NSUN4: variants seen among roughly 807,000 people sequenced by gnomAD.
The protein encoded by NSUN4 is NOP2/Sun RNA methyltransferase 4, also known as 5-cytosine rRNA methyltransferase NSUN4.
In NSUN4, 31 loss-of-function variants were observed where a neutral mutation model predicts 43.8. The ratio of observed to expected loss-of-function variants is 0.71; its 90% CI spans 0.53 to 0.96. The LOEUF is 0.96. Among genes scored for constraint, NSUN4 ranks in the 40% least tolerant of loss-of-function variants. The pLI is 0.00. For synonymous variants in NSUN4, 167 were observed against 184.1 expected (o/e 0.91, Z 0.75); for missense variants, 439 against 475.6 (o/e 0.92, Z 0.72).
At chr1:46,384,524 C>G in the NSUN4 span, among the ~76,000 whole-genome samples, 2 of 152,170 alleles carry the variant, frequency 1.3e-5, no homozygotes, top group Admixed American at 6.5e-5. Flanking sequence ...TTCCATTTAC[C>G]AAACCACTTT....
At chr1:46,372,296 A>G in the NSUN4 span, among the ~76,000 whole-genome samples, 44,622 of 151,378 alleles carry the variant, frequency 0.29, 7,255 homozygotes, top group East Asian at 0.49. Context: ...GCCCACCACC[A>G]CGCCCGGCTG....
intron 3 of NSUN4, among the ~76,000 whole-genome samples, chr1:46,347,495 G>C (rs141190214): frequency 6.6e-6 from 1 of 152,156 alleles, no homozygotes; most frequent in South Asian, 2.1e-4. Flanking sequence ...AGAGTGGAGG[G>C]TAGTACTTAC....
At chr1:46,360,598 G>A in intron 4 of NSUN4, 106 bp from the exon 5 acceptor site, 1 of 1,166,852 alleles carries the variant, frequency 8.6e-7, no homozygotes, top group Non-Finnish European at 1.2e-6. Flanking sequence ...GGGATGGGCA[G>A]AGGGAATATT....
rs1663968363 is a variant in NSUN4, at chr1:46,362,894, G to GT, written c.*1053dup. 6.6e-6 allele frequency: 1 copy of GT among 151,906 alleles called. No individual in the cohort carries two copies. Among genetic ancestry groups the GT allele is most frequent in the African/African-American group, 2.4e-5 (1 of 41,366 alleles). The allele number at this position is 151,906 out of a possible 1,614,324, so 9.4% of individuals were successfully genotyped here. A position where few individuals can be genotyped will look rare whatever the true frequency, so the allele number is the denominator to read the frequency against. On this transcript the variant is annotated 3_prime_UTR_variant, in exon 6 of 6. Transcript: ENST00000474844. Reference sequence around the variant, plus strand: ...TTACTGACTGCATACTCGATATGTTGTTTTTGTAACTTTAGCCAAAAGAAA... The same window carrying GT: ...TTACTGACTGCATACTCGATATGTTGTTTTTTGTAACTTTAGCCAAAAGAAA...
intron 4 of NSUN4, among the ~76,000 whole-genome samples, chr1:46,359,958 G>A (rs1161202625): frequency 6.6e-6 from 1 of 151,650 alleles, no homozygotes; most frequent in Non-Finnish European, 1.5e-5. Flanking sequence ...GGCCGGGCAT[G>A]GTGGCTCATG....
chr1:46,347,956 C>T (rs981095855), intron 3 of NSUN4, among the ~76,000 whole-genome samples: 1 of 151,712 alleles, frequency 6.6e-6, no homozygotes, highest in Non-Finnish European at 1.5e-5. Context: ...CGGCTCACTG[C>T]AAGCTCCGCC....
the NSUN4 span, among the ~76,000 whole-genome samples, chr1:46,374,265 A>G: frequency 2.8e-4 from 40 of 145,390 alleles, no homozygotes; most frequent in African/African-American, 9.8e-4. Context: ...CAACCTGGGC[A>G]ACAAGAGTAA....
rs181957200 is a variant in NSUN4 at position 46,352,659 on chromosome 1, T to A, written c.593-209T>A. 1.3e-3 allele frequency among the ~76,000 whole-genome samples: 195 copies of A among 152,298 alleles called. 2 individuals are homozygous for A. The highest frequency in any genetic ancestry group is 4.1e-3 in the African/African-American group (170 of 41,564). On this transcript the variant is annotated intron_variant, in intron 3 of 5. Coordinates refer to ENST00000474844, the MANE Select transcript of NSUN4 (RefSeq NM_199044.4). ...GGTCTGCTTTATTCATTGACTTAAA[T>A]AACTTTGATACTTTCTGGCCCATTT...
chr1:46,357,958 A>C (rs1387499463), intron 4 of NSUN4, among the ~76,000 whole-genome samples: 1 of 152,186 alleles, frequency 6.6e-6, no homozygotes, highest in Non-Finnish European at 1.5e-5. Context: ...TCTGTTGTCC[A>C]AGTTGGAGTA....
chr1:46,360,228 C>CAAAAAA (rs1240539714), intron 4 of NSUN4, among the ~76,000 whole-genome samples: 248 of 34,948 alleles, frequency 7.1e-3, no homozygotes, highest in Middle Eastern at 0.022. Context: ...GACTCCATCT[C>CAAAAAA]AAAAAAAAAA....
At chr1:46,341,749 C>A in intron 1 of NSUN4, 1 of 1,231,808 alleles carries the variant, frequency 8.1e-7, no homozygotes, top group East Asian at 3.2e-5. Flanking sequence ...TCGGGTTCCC[C>A]ACTCTCCAGC....
intron 5 of NSUN4, among the ~76,000 whole-genome samples, chr1:46,361,050 G>A (rs1481742629): frequency 6.6e-6 from 1 of 152,164 alleles, no homozygotes; most frequent in East Asian, 1.9e-4. Context: ...AGGGGGCTGA[G>A]GGAGGAGAAT....
chr1:46,385,179 T>C, the NSUN4 span, among the ~76,000 whole-genome samples: 2 of 152,236 alleles, frequency 1.3e-5, no homozygotes, highest in African/African-American at 4.8e-5. Flanking sequence ...AATTGAATTT[T>C]AATAAAATCT....
chr1:46,344,750 G>T (rs772084729), intron 1 of NSUN4, 51 bp from the exon 2 acceptor site: 1 of 1,516,870 alleles, frequency 6.6e-7, no homozygotes, highest in African/African-American at 1.4e-5. Flanking sequence ...CAGGTAGTAG[G>T]GGGTAGAGTC....
the NSUN4 span, among the ~76,000 whole-genome samples, chr1:46,375,415 A>G: frequency 2.0e-5 from 3 of 149,844 alleles, no homozygotes; most frequent in Non-Finnish European, 3.0e-5. Context: ...AGCCTGGGCA[A>G]TAAGAGCAAA....
intron 3 of NSUN4, among the ~76,000 whole-genome samples, chr1:46,349,646 A>G (rs1475587807): frequency 6.6e-6 from 1 of 152,190 alleles, no homozygotes; most frequent in Non-Finnish European, 1.5e-5. Context: ...CAGCTTGCAC[A>G]GTTTGAGTCA....
At chr1:46,367,704 T>C (rs572690830), downstream of NSUN4, among the ~76,000 whole-genome samples, 1 of 151,808 alleles carries the variant, frequency 6.6e-6, no homozygotes, top group Non-Finnish European at 1.5e-5. Flanking sequence ...TCCCATTTTA[T>C]AGAGAAGGAA....
chr1:46,354,319 G>C (rs144688884), intron 4 of NSUN4, among the ~76,000 whole-genome samples: 1 of 151,520 alleles, frequency 6.6e-6, no homozygotes, highest in Non-Finnish European at 1.5e-5. Context: ...GGCTGGCCTC[G>C]AACTCCTGGG....
At chr1:46,348,400 T>G (rs1662683059) in intron 3 of NSUN4, among the ~76,000 whole-genome samples, 1 of 152,134 alleles carries the variant, frequency 6.6e-6, no homozygotes, top group Non-Finnish European at 1.5e-5. Flanking sequence ...ACTAGTTATA[T>G]ATCTTCTCCC....
Sources: allele counts gnomAD v4.1 joint callset (sites outside exome capture counted in the v4.1 genomes callset), GRCh38; gene constraint gnomAD v4.1.1; transcripts MANE v1.5; gene names NCBI Gene and HGNC (gene_info 2026-07-23, HGNC 2026-07-21).